The following PCSK6 variants were observed in gnomAD, a reference collection of about 807,000 sequenced individuals.
The protein encoded by PCSK6 is paired basic amino acid cleaving enzyme 4.
PCSK6 carries 85 observed loss-of-function variants against 123.3 expected under a neutral mutation model. The observed-to-expected ratio is 0.69, with a 90% CI of 0.58 to 0.83. The LOEUF is 0.83. PCSK6 is among the 40% of genes least tolerant of loss of function. The pLI is 0.00. For missense variants in PCSK6, 1,191 were observed against 1,282.3 expected (o/e 0.93, Z 1.09); for synonymous variants, 508 against 516.0 (o/e 0.98, Z 0.21).
chr15:101,381,539 G>A (rs1475917474), intron 11 of PCSK6, among the ~76,000 whole-genome samples: 1 of 152,204 alleles, frequency 6.6e-6, no homozygotes, highest in Non-Finnish European at 1.5e-5. Context: ...TACGGAGCCA[G>A]ATAAAAGCCA....
intron 7 of PCSK6, among the ~76,000 whole-genome samples, chr15:101,396,402 C>T (rs2042414377): frequency 6.6e-6 from 1 of 152,140 alleles, no homozygotes; most frequent in Non-Finnish European, 1.5e-5. Flanking sequence ...GGTGCCTCAT[C>T]CTAGGAGCTC....
At chr15:101,391,866 G>A (rs529928937) in intron 8 of PCSK6, among the ~76,000 whole-genome samples, 36 of 152,290 alleles carry the variant, frequency 2.4e-4, no homozygotes, top group Non-Finnish European at 4.1e-4. Flanking sequence ...CTCTTTTACC[G>A]TTCTCCAAAC....
chr15:101,381,128 A>G (rs1318637547), intron 11 of PCSK6, among the ~76,000 whole-genome samples: 3 of 152,016 alleles, frequency 2.0e-5, no homozygotes, highest in African/African-American at 7.2e-5. Flanking sequence ...TTGGGAGGCC[A>G]AGGCGGGTGG....
chr15:101,337,066 A>G (rs1446679516), intron 13 of PCSK6: 2 of 150,758 alleles, frequency 1.3e-5, no homozygotes, highest in African/African-American at 4.9e-5. Flanking sequence ...GTGCAGTGGC[A>G]CCATCTCAGC....
At chr15:101,355,090 T>C (rs74041015) in intron 13 of PCSK6, among the ~76,000 whole-genome samples, 1,556 of 152,334 alleles carry the variant, frequency 0.01, 29 homozygotes, top group African/African-American at 0.035. Context: ...ATAATGCTGT[T>C]GAAATAATCT....
intron 2 of PCSK6, among the ~76,000 whole-genome samples, chr15:101,437,510 C>T (rs1202067565): frequency 2.0e-5 from 3 of 152,124 alleles, no homozygotes; most frequent in Non-Finnish European, 2.9e-5. Context: ...CAGGCAGCTG[C>T]GAGCCCAGCT....
chr15:101,480,963 A>G (rs528802075), intron 1 of PCSK6, among the ~76,000 whole-genome samples: 1 of 152,336 alleles, frequency 6.6e-6, no homozygotes, highest in East Asian at 1.9e-4. Flanking sequence ...CTCATAACCA[A>G]GAGTCTCTTA....
chr15:101,447,665 G>T (rs1192625304), intron 1 of PCSK6, among the ~76,000 whole-genome samples: 1 of 152,270 alleles, frequency 6.6e-6, no homozygotes, highest in Non-Finnish European at 1.5e-5. Flanking sequence ...CAGGTAAAGT[G>T]AGGTTCTTTT....
At chr15:101,414,408 T>C (rs2055813633) in intron 6 of PCSK6, among the ~76,000 whole-genome samples, 1 of 152,302 alleles carries the variant, frequency 6.6e-6, no homozygotes, top group South Asian at 2.1e-4. Flanking sequence ...AATTAGACTT[T>C]ATACTTAAGC....
At chr15:101,362,053 T>C (rs1213683735) in intron 13 of PCSK6, among the ~76,000 whole-genome samples, 1 of 146,550 alleles carries the variant, frequency 6.8e-6, no homozygotes, top group Non-Finnish European at 1.5e-5. Flanking sequence ...ACCTCCCAGG[T>C]TCACACCATT....
intron 13 of PCSK6, among the ~76,000 whole-genome samples, chr15:101,359,825 C>T (rs1482720831): frequency 6.6e-6 from 1 of 152,248 alleles, no homozygotes; most frequent in Non-Finnish European, 1.5e-5. Flanking sequence ...CCTTCCATTG[C>T]TCATACAGCT....
chr15:101,428,289 T>C (rs1378494830), intron 5 of PCSK6, among the ~76,000 whole-genome samples: 2 of 152,212 alleles, frequency 1.3e-5, no homozygotes, highest in Admixed American at 1.3e-4. Flanking sequence ...GTCCTATACC[T>C]TCCTCCTCCC....
intron 12 of PCSK6, among the ~76,000 whole-genome samples, 170 bp downstream of exon 12, chr15:101,370,165 C>A (rs1056499440): frequency 9.2e-5 from 14 of 152,176 alleles, no homozygotes; most frequent in African/African-American, 3.4e-4. Flanking sequence ...GTTTTTGGGG[C>A]CTACATGCAA....
chr15:101,468,935 AG>A (rs1162263616), intron 1 of PCSK6, among the ~76,000 whole-genome samples: 1 of 152,206 alleles, frequency 6.6e-6, no homozygotes, highest in Non-Finnish European at 1.5e-5. Flanking sequence ...CATATTTTAC[AG>A]GTGAATGATT....
chr15:101,338,553 C>A (rs80256529), intron 13 of PCSK6, among the ~76,000 whole-genome samples: 1 of 152,238 alleles, frequency 6.6e-6, no homozygotes, highest in Non-Finnish European at 1.5e-5. Context: ...CTCAACAGAA[C>A]TGCCACCCAG....
At chr15:101,431,016 C>A (rs141529837) in intron 4 of PCSK6, among the ~76,000 whole-genome samples, 1 of 152,174 alleles carries the variant, frequency 6.6e-6, no homozygotes, top group Admixed American at 6.5e-5. Context: ...TGTCACTGTT[C>A]GTGTTGCTAC....
At chr15:101,440,329 G>A (rs2056721915) in intron 2 of PCSK6, among the ~76,000 whole-genome samples, 1 of 152,236 alleles carries the variant, frequency 6.6e-6, no homozygotes, top group African/African-American at 2.4e-5. Flanking sequence ...AAGAATGCAA[G>A]GAAAATGACT....
chr15:101,360,089 T>C (rs1203798106), intron 13 of PCSK6, among the ~76,000 whole-genome samples: 3 of 151,682 alleles, frequency 2.0e-5, no homozygotes, highest in Non-Finnish European at 4.4e-5. Flanking sequence ...CTCTCTCCTC[T>C]CACAGCCCAC....
chr15:101,430,160 G>A (rs748827362), intron 4 of PCSK6, 97 bp from the exon 5 acceptor site: 32 of 862,796 alleles, frequency 3.7e-5, no homozygotes, highest in South Asian at 1.3e-4. Flanking sequence ...GAAACCACAC[G>A]CGGGGCTCCT....
Sources: gnomAD v4.1 joint callset for allele counts (sites outside exome capture counted in the v4.1 genomes callset) on GRCh38, gnomAD v4.1.1 for gene constraint, MANE v1.5 for transcripts, NCBI Gene and HGNC (gene_info 2026-07-23, HGNC 2026-07-21) for gene names.